The following FLT4 variants were observed in gnomAD, a reference collection of about 807,000 sequenced individuals.
FLT4 encodes vascular endothelial growth factor receptor 3.
A neutral mutation model predicts 163.2 loss-of-function variants in FLT4; 30 were observed. The observed-to-expected ratio is 0.18, with a 90% CI of 0.14 to 0.25. The LOEUF (loss-of-function observed/expected upper bound fraction) is 0.25. FLT4 is among the 10% of genes least tolerant of loss of function. FLT4 has a pLI of 1.00. For missense variants in FLT4, 1,510 were observed against 1,863.8 expected, an observed-to-expected ratio of 0.81 and a Z score of 3.50; for synonymous variants, 884 against 789.5, an observed-to-expected ratio of 1.12 and a Z score of -2.01.
rs774672515 is a variant in FLT4 at position 180,625,908 on chromosome 5, C to T, written c.1382G>A (p.Arg461Gln). ...AAACATCTTGCAGGGTGTCCAGGGC[C>T]GCCAGTGCCACTGGATGCTGAGAGG... is the stretch of plus-strand genomic sequence containing the variant. ...PLPLSIQWHWRPWTPCKMFAQ... is the reference protein window; with the variant it reads ...PLPLSIQWHWQPWTPCKMFAQ... The change falls in exon 10 of 30, where the codon CGG becomes CAG. Residue 461 changes from arginine (R) to glutamine (Q), a missense_variant. Around this residue, in one of 5 missense-constraint regions of FLT4, gnomAD observed 878 missense variants for 1,016.7 expected, o/e 0.86. Transcript: ENST00000261937. The T allele has an allele frequency of 6.2e-7, 1 of 1,612,402 alleles. No homozygotes were observed. The highest frequency in any genetic ancestry group is 2.2e-5 in the East Asian group (1 of 44,876).
At chr5:180,625,332 C>T (rs981885892) in intron 10 of FLT4, among the ~76,000 whole-genome samples, 1 of 152,200 alleles carries the variant, frequency 6.6e-6, no homozygotes, top group African/African-American at 2.4e-5. Context: ...GTGGCTGGGT[C>T]CTGTTGCTTA....
intron 10 of FLT4, 54 bp downstream of exon 10, chr5:180,625,815 C>G (rs1270340456): frequency 2.6e-6 from 4 of 1,558,138 alleles, no homozygotes; most frequent in Non-Finnish European, 3.5e-6. Context: ...TTCCTCATGG[C>G]TGAGGCTGGG....
At chr5:180,626,372 G>T in intron 8 of FLT4, 107 bp from the exon 9 acceptor site, 1 of 1,285,614 alleles carries the variant, frequency 7.8e-7, no homozygotes, top group Non-Finnish European at 1.1e-6. Flanking sequence ...GGGCTGGCAG[G>T]AGTGCAGGGT....
At chr5:180,648,059 C>T (rs1581723480) in intron 1 of FLT4, among the ~76,000 whole-genome samples, 1 of 152,208 alleles carries the variant, frequency 6.6e-6, no homozygotes. Flanking sequence ...ACACTGCGCC[C>T]AGGTGCCTGT....
chr5:180,618,798 T>A lies in FLT4; in HGVS notation c.2973A>T (p.Gly991=). Residue 991 remains glycine (G), a synonymous_variant, in exon 21 of 30, where the codon GGA becomes GGT. Transcript: ENST00000261937. ...CTTGGTCTGGAGAAGCCCGCCTCGC[T>A]CCGCCCTCGGTCTTCGAGAACCGCG... The part of the protein sequence containing the change: ...LFARFSKTEG[G]ARRASPDQEA... 6.3e-7 allele frequency: 1 copy of A among 1,588,846 alleles called. No individual in the cohort carries two copies.
chr5:180,608,730 A>AGAT (rs942149783), intron 29 of FLT4, among the ~76,000 whole-genome samples: 2 of 152,162 alleles, frequency 1.3e-5, no homozygotes, highest in African/African-American at 4.8e-5. Context: ...GAGCTCTGTC[A>AGAT]GATGACAGGG....
chr5:180,632,642 G>A (rs941454864), intron 1 of FLT4, among the ~76,000 whole-genome samples: 3 of 151,910 alleles, frequency 2.0e-5, no homozygotes, highest in South Asian at 2.1e-4. Context: ...GTGTGCACAC[G>A]CGTGCCTCCA....
chr5:180,619,857 CAGG>C lies in FLT4; in HGVS notation c.2543-91_2543-89del, dbSNP rs1762988523. On this transcript the variant is annotated intron_variant, in intron 17 of 29. Transcript: ENST00000261937. ...GGCGGGGGAGCCCCGTGCAGAGGTCCAGGAGGACAGGCCTGGCAGCAGGAGGAG... is the reference window on the plus strand; with the variant it reads ...GGCGGGGGAGCCCCGTGCAGAGGTCCAGGACAGGCCTGGCAGCAGGAGGAG... The C allele has an allele frequency of 4.2e-6, 4 of 957,776 alleles. No homozygotes were observed. The South Asian group carries it at 5.6e-5, about 13-fold the overall frequency. The allele number at this position is 957,776 out of a possible 1,614,324, so 59.3% of individuals were successfully genotyped here.
At position 180,620,319 on chromosome 5, in the gene FLT4, G is replaced by A. The variant is rs902820836; in HGVS notation, c.2407-11C>T. 1.2e-6 allele frequency: 2 copies of A among 1,610,064 alleles called. No homozygotes were observed. Among genetic ancestry groups the A allele is most frequent in the Non-Finnish European group, 1.7e-6 (2 of 1,179,940 alleles). ...GTCTGCGTGGGCCGGCTGCGGGGAG[G>A]GGACAGGGAGGAGTGGGGCAGCTCA... On this transcript the variant is annotated splice_polypyrimidine_tract_variant and intron_variant, in intron 16 of 29. Transcript: ENST00000261937. This position sits in a 1 kb window ranked among gnomAD's most constrained non-coding sequence, Gnocchi z 4.4.
intron 8 of FLT4, among the ~76,000 whole-genome samples, chr5:180,627,520 C>T (rs925125346): frequency 1.3e-5 from 2 of 151,744 alleles, no homozygotes; most frequent in Non-Finnish European, 2.9e-5. Context: ...GCGGGTGCTT[C>T]GGAAGCCAAG....
In FLT4 at chr5:180,630,490, TG is replaced by T. The variant is rs2127838166; in HGVS notation, c.400+64del. 1 of 1,604,800 alleles carries T rather than the reference TG, an allele frequency of 6.2e-7. No homozygotes were observed. ...TCCTGCCAGCCCAGGGTCCACAGGC[TG>T]GGGGCGGTGTGGGCCCCAGCTGCCC... On this transcript the variant is annotated intron_variant, in intron 3 of 29. Transcript: ENST00000261937. This position sits in a 1 kb window ranked among gnomAD's most constrained non-coding sequence, Gnocchi z 6.3.
chr5:180,608,890 C>A (rs917482885), intron 29 of FLT4, 78 bp downstream of exon 29: 4 of 1,264,620 alleles, frequency 3.2e-6, no homozygotes, highest in Non-Finnish European at 4.6e-6. Flanking sequence ...GGGCTGGGCA[C>A]ACCCAGACCC....
chr5:180,644,477 G>A (rs919652964), intron 1 of FLT4, among the ~76,000 whole-genome samples: 3 of 152,236 alleles, frequency 2.0e-5, no homozygotes, highest in African/African-American at 7.2e-5. Flanking sequence ...TGGGGAATGT[G>A]GACAGTGGCC....
Position 180,608,970 on chromosome 5 carries a change from G to A in FLT4, c.3891C>T (p.Phe1297=), listed in dbSNP as rs997798937. 34 of 1,613,672 alleles carry A rather than the reference G, an allele frequency of 2.1e-5. No homozygotes were observed. The highest frequency in any genetic ancestry group is 2.8e-5 in the Non-Finnish European group (33 of 1,179,674). Residue 1297 remains phenylalanine, a splice_region_variant and synonymous_variant, in exon 29 of 30, where the codon TTC becomes TTT. Coordinates refer to ENST00000261937, the MANE Select transcript of FLT4 (RefSeq NM_182925.5). ...CAGGAGGCTCACGAAGCCCTTACCT[G>A]AAGCCGCTTTCTTGTCTATGCCTGC... ...IESRHRQESG[F]SCKGPGQNVA... is the part of the protein sequence containing the mutation.
intron 29 of FLT4, chr5:180,608,050 A>G: frequency 1.4e-6 from 1 of 699,080 alleles, no homozygotes; most frequent in Non-Finnish European, 2.6e-6. Flanking sequence ...GGGAGGCTGG[A>G]TATTATCCAG....
At position 180,619,374 on chromosome 5, in the gene FLT4, G is replaced by A. The variant is rs752689922; in HGVS notation, c.2648-8C>T. On this transcript the variant is annotated splice_polypyrimidine_tract_variant and splice_region_variant and intron_variant, in intron 18 of 29. Coordinates refer to ENST00000261937, the MANE Select transcript of FLT4 (RefSeq NM_182925.5). ...CGCTGGCCGTGGCGCCCTCTGGAGGGGACACGGGCCTCACACCGGCCCCGA... is the reference window on the plus strand; with the variant it reads ...CGCTGGCCGTGGCGCCCTCTGGAGGAGACACGGGCCTCACACCGGCCCCGA... 1.1e-5 allele frequency: 17 copies of A among 1,599,718 alleles called. No individual in the cohort carries two copies. In the African/African-American group the frequency reaches 1.6e-4, roughly 15 times the overall value.
At position 180,617,133 on chromosome 5, in the gene FLT4, C is replaced by T. The variant is rs544689077; in HGVS notation, c.3002-139G>A. ...GGGACACCCACATCCTACTCCAGAGCACCCTCTCCTGCCCCTCAGCCTCTG... is the reference window on the plus strand; with the variant it reads ...GGGACACCCACATCCTACTCCAGAGTACCCTCTCCTGCCCCTCAGCCTCTG... On this transcript the variant is annotated intron_variant, in intron 21 of 29. Coordinates refer to ENST00000261937, the MANE Select transcript of FLT4 (RefSeq NM_182925.5). 2.0e-5 allele frequency: 14 copies of T among 702,412 alleles called. No homozygotes were observed. The South Asian group carries it at 2.1e-4, about 11-fold the overall frequency. The allele number at this position is 702,412 out of a possible 1,614,324, so 43.5% of individuals were successfully genotyped here.
chr5:180,625,681 A>G (rs1336286702), intron 10 of FLT4, among the ~76,000 whole-genome samples, 188 bp downstream of exon 10: 1 of 152,154 alleles, frequency 6.6e-6, no homozygotes, highest in African/African-American at 2.4e-5. Context: ...GGAGGCTCTG[A>G]GCCTCACTCA....
chr5:180,608,937 C>T (rs753557036), intron 29 of FLT4, 31 bp downstream of exon 29: 3 of 1,572,186 alleles, frequency 1.9e-6, no homozygotes, highest in South Asian at 1.1e-5. Context: ...ACATCGATAC[C>T]TGCAGTGCAG....
Sources: allele counts gnomAD v4.1 joint callset (sites outside exome capture counted in the v4.1 genomes callset), GRCh38; gene constraint gnomAD v4.1.1; regional missense constraint gnomAD v4.1.1; non-coding constraint Gnocchi (gnomAD v3.1); transcripts MANE v1.5; gene names NCBI Gene and HGNC (gene_info 2026-07-23, HGNC 2026-07-21).